The following MOK variants were observed in gnomAD, a reference collection of about 807,000 sequenced individuals.
The protein encoded by MOK is MOK protein kinase.
A neutral mutation model predicts 54.2 loss-of-function variants in MOK; 59 were observed. The ratio of observed to expected loss-of-function variants is 1.09; its 90% CI spans 0.88 to 1.35. The LOEUF (loss-of-function observed/expected upper bound fraction) is 1.35. MOK is among the 40% of genes most tolerant of loss of function. The pLI is 0.00. For synonymous variants in MOK, 210 were observed against 202.7 expected (o/e 1.04, Z -0.31); for missense variants, 517 against 526.2 (o/e 0.98, Z 0.17).
chr14:102,270,650 C>T (rs74848278), intron 2 of MOK, among the ~76,000 whole-genome samples: 11,524 of 151,808 alleles, frequency 0.076, 587 homozygotes, highest in Non-Finnish European at 0.11. Flanking sequence ...TAACTGTATG[C>T]CAATAAATAT....
In MOK at chr14:102,297,672, G is replaced by A. The variant is rs116609497; in HGVS notation, c.7+7290C>T. 7.3e-3 allele frequency among the ~76,000 whole-genome samples: 1,115 copies of A among 152,306 alleles called. 14 individuals are homozygous for A. Among genetic ancestry groups the A allele is most frequent in the African/African-American group, 0.026 (1,061 of 41,572 alleles). ...GGGGAGGTGTGGAGGAAGAGGCACC[G>A]CGAGGTGTGGAGGGAGAGGTGCAGG... On this transcript the variant is annotated intron_variant, in intron 1 of 11. Transcript: ENST00000361847.
chr14:102,223,778 G>A (rs1387956918), downstream of MOK: 1 of 152,102 alleles, frequency 6.6e-6, no homozygotes, highest in Non-Finnish European at 1.5e-5. Flanking sequence ...GTTACTTGAA[G>A]CCCCCTCACC....
intron 4 of MOK, among the ~76,000 whole-genome samples, chr14:102,255,854 G>A (rs1403595351): frequency 1.3e-5 from 2 of 152,102 alleles, no homozygotes; most frequent in African/African-American, 4.8e-5. Context: ...TCCTGACCAA[G>A]GTAATTTTTA....
chr14:102,242,164 T>C (rs564667164), intron 7 of MOK, among the ~76,000 whole-genome samples: 54 of 152,134 alleles, frequency 3.5e-4, no homozygotes, highest in Non-Finnish European at 7.6e-4. Flanking sequence ...TGGGTAACTC[T>C]TACAGTGGAG....
In MOK at chr14:102,229,130, G is replaced by C. The variant is rs975954054; in HGVS notation, c.*159C>G. ...ATCCTAGGCAGCTGCGCGGGCCGCG[G>C]GTGCGGCAGGGCGCAGGGCAGCACC... On this transcript the variant is annotated 3_prime_UTR_variant, in exon 12 of 12. Coordinates refer to ENST00000361847, the MANE Select transcript of MOK (RefSeq NM_014226.3). 1 of 701,990 alleles carries C rather than the reference G, an allele frequency of 1.4e-6. No homozygotes were observed. The highest frequency in any genetic ancestry group is 2.3e-6 in the Non-Finnish European group (1 of 435,786). The allele number at this position is 701,990 out of a possible 1,614,324, so 43.5% of individuals were successfully genotyped here. A position where few individuals can be genotyped will look rare whatever the true frequency, so the allele number is the denominator to read the frequency against.
chr14:102,266,026 T>A, intron 2 of MOK, 114 bp from the exon 3 acceptor site: 1 of 757,664 alleles, frequency 1.3e-6, no homozygotes, highest in Non-Finnish European at 2.2e-6. Flanking sequence ...TCAAGCAAGT[T>A]AATCAGGTTT....
chr14:102,296,785 T>C (rs1567250308), intron 1 of MOK, among the ~76,000 whole-genome samples: 1 of 151,732 alleles, frequency 6.6e-6, no homozygotes, highest in Non-Finnish European at 1.5e-5. Flanking sequence ...ATAAGTAAAA[T>C]AAAATGGCTC....
the MOK span, among the ~76,000 whole-genome samples, chr14:102,218,322 T>A: frequency 6.6e-6 from 1 of 151,338 alleles, no homozygotes; most frequent in Non-Finnish European, 1.5e-5. Flanking sequence ...AGGTTCTGTC[T>A]TCTCTGACAC....
At chr14:102,298,518 C>T (rs1394925241) in intron 1 of MOK, among the ~76,000 whole-genome samples, 2 of 152,216 alleles carry the variant, frequency 1.3e-5, no homozygotes, top group African/African-American at 4.8e-5. Flanking sequence ...TCTAGCTGAT[C>T]TCACGGGGAC....
At chr14:102,215,388 C>G in the MOK span, among the ~76,000 whole-genome samples, 1 of 152,174 alleles carries the variant, frequency 6.6e-6, no homozygotes, top group Non-Finnish European at 1.5e-5. Flanking sequence ...TGCTGGACAT[C>G]CGACATTCTG....
intron 4 of MOK, among the ~76,000 whole-genome samples, chr14:102,262,133 G>A (rs111870261): frequency 0.011 from 1,712 of 150,394 alleles, 15 homozygotes; most frequent in Non-Finnish European, 0.015. Flanking sequence ...GAGCCACCGC[G>A]CCCAGCCCCT....
chr14:102,223,904 G>C (rs1403183876), downstream of MOK, among the ~76,000 whole-genome samples: 1 of 152,166 alleles, frequency 6.6e-6, no homozygotes, highest in Non-Finnish European at 1.5e-5. Context: ...TCTGCACAGG[G>C]CTTCAGGATC....
intron 1 of MOK, among the ~76,000 whole-genome samples, chr14:102,287,776 A>G (rs1162632910): frequency 6.6e-6 from 1 of 152,124 alleles, no homozygotes; most frequent in African/African-American, 2.4e-5. Flanking sequence ...AGGAATGGAA[A>G]ATGGTGCAGA....
chr14:102,229,120 G>A lies in MOK; in HGVS notation c.*169C>T. 1 of 634,594 alleles carries A rather than the reference G, an allele frequency of 1.6e-6. No individual in the cohort carries two copies. Among genetic ancestry groups the A allele is most frequent in the Non-Finnish European group, 2.6e-6 (1 of 378,364 alleles). The allele number at this position is 634,594 out of a possible 1,614,324, so 39.3% of individuals were successfully genotyped here. ...AGCCCAGAACATCCTAGGCAGCTGC[G>A]CGGGCCGCGGGTGCGGCAGGGCGCA... is the stretch of plus-strand genomic sequence containing the variant. On this transcript the variant is annotated 3_prime_UTR_variant, in exon 12 of 12. Coordinates refer to ENST00000361847, the MANE Select transcript of MOK (RefSeq NM_014226.3).
At position 102,235,975 on chromosome 14, in the gene MOK, C is replaced by T; in HGVS notation, c.591-2186G>A. On this transcript the variant is annotated intron_variant, in intron 7 of 11. Transcript: ENST00000361847. The surrounding 1 kb of genome is among the most constrained non-coding windows in gnomAD (Gnocchi z 4.4). The stretch of plus-strand genomic sequence containing the variant: ...CCGTATCACCCAAGGGCACAAAAGA[C>T]CCGATAGCAGCAACCCTCCGGGCCT... Among the ~76,000 whole-genome samples, 1 of 152,198 alleles carries T rather than the reference C, an allele frequency of 6.6e-6. No homozygotes were observed.
At chr14:102,294,171 G>A (rs1388033092) in intron 1 of MOK, among the ~76,000 whole-genome samples, 2 of 151,254 alleles carry the variant, frequency 1.3e-5, no homozygotes, top group Non-Finnish European at 2.9e-5. Flanking sequence ...GTGAGGCCGG[G>A]TGCGGTGGCT....
At chr14:102,255,981 T>C (rs1017841237) in intron 4 of MOK, among the ~76,000 whole-genome samples, 1 of 152,164 alleles carries the variant, frequency 6.6e-6, no homozygotes, top group Admixed American at 6.5e-5. Flanking sequence ...GACTCAGCAC[T>C]AACTGAAGGA....
In MOK at chr14:102,251,958, G is replaced by C. The variant is rs775365714; in HGVS notation, c.321C>G (p.His107Gln). The change falls in exon 5 of 12, where the codon CAC becomes CAG. Residue 107 changes from histidine to glutamine, a missense_variant. By Grantham distance (24) the His-to-Gln change is conservative. Coordinates refer to ENST00000361847, the MANE Select transcript of MOK (RefSeq NM_014226.3). Reference sequence around the variant, plus strand: ...GGGACTTACATAACTGGTACATATAGTGCATAATTTTTTTTTCTGATAATG... The same window carrying C: ...GGGACTTACATAACTGGTACATATACTGCATAATTTTTTTTTCTGATAATG... ...RYPLSEKKIM[H>Q]YMYQLCKSLD... The C allele has an allele frequency of 3.1e-6, 5 of 1,607,228 alleles. No individual in the cohort carries two copies. The highest frequency in any genetic ancestry group is 3.4e-6 in the Non-Finnish European group (4 of 1,174,570).
chr14:102,223,662 A>G (rs554942821), downstream of MOK: 17 of 152,714 alleles, frequency 1.1e-4, 1 homozygote, highest in African/African-American at 2.9e-4. Flanking sequence ...TATTAAAACT[A>G]TCTTGAATAT....
Sources: gnomAD v4.1 joint callset for allele counts (sites outside exome capture counted in the v4.1 genomes callset) on GRCh38, gnomAD v4.1.1 for gene constraint, Gnocchi (gnomAD v3.1) non-coding constraint, MANE v1.5 for transcripts, NCBI Gene and HGNC (gene_info 2026-07-23, HGNC 2026-07-21) for gene names.